Variants in ZNF541 observed in about 807,000 individuals in gnomAD.
ZNF541 encodes zinc finger protein 541.
In ZNF541, 23 loss-of-function variants were observed where a neutral mutation model predicts 123.5. The ratio of observed to expected loss-of-function variants is 0.19; its 90% CI spans 0.13 to 0.26. ZNF541 has a LOEUF of 0.26. ZNF541 is among the 10% of genes least tolerant of loss of function. ZNF541 has a pLI of 1.00. For synonymous variants in ZNF541, 751 were observed against 754.5 expected (o/e 1.00, Z 0.08); for missense variants, 1,612 against 1,789.9 (o/e 0.90, Z 1.79).
chr19:47,561,991 G>A (rs773341611), intron 2 of ZNF541, among the ~76,000 whole-genome samples: 4 of 152,228 alleles, frequency 2.6e-5, no homozygotes, highest in Non-Finnish European at 5.9e-5. Context: ...GCTCACGCCT[G>A]TAATCCCAGC....
chr19:47,544,432 C>A lies in ZNF541; in HGVS notation c.2097G>T (p.Arg699=), dbSNP rs368670959. ...LEDIFPSTGQ[R]QTQLGGEEPP... is the part of the protein sequence containing the mutation. The stretch of plus-strand genomic sequence containing the variant: ...GCTCCTCCCCACCTAACTGGGTCTG[C>A]CGTTGGCCTGTGGAGGGGAAGATGT... Residue 699 remains arginine, a synonymous_variant, in exon 5 of 17, where the codon CGG becomes CGT. Transcript: ENST00000391901. The A allele has an allele frequency of 7.2e-5, 112 of 1,551,626 alleles. No individual in the cohort carries two copies. The African/African-American group carries it at 1.3e-3, about 18-fold the overall frequency.
At chr19:47,537,897 C>T (rs28460729) in intron 9 of ZNF541, among the ~76,000 whole-genome samples, 2,109 of 152,110 alleles carry the variant, frequency 0.014, 32 homozygotes, top group Middle Eastern at 0.054. Context: ...GAAAATGACA[C>T]AGAAGGGCAG....
At chr19:47,569,539 TCGTGCCTACATTCTTAAGTAGAA>T (rs772327978) in intron 2 of ZNF541, among the ~76,000 whole-genome samples, 5 of 152,062 alleles carry the variant, frequency 3.3e-5, no homozygotes, top group Non-Finnish European at 7.4e-5. Flanking sequence ...TGCTTCACAC[TCGTGCCTACATTCTTAAGTAGAA>T]CAATCAAGAA....
chr19:47,545,303 G>A lies in ZNF541; in HGVS notation c.1226C>T (p.Ser409Leu), dbSNP rs1450591453. Residue 409 changes from serine to leucine, a missense_variant, in exon 5 of 17, where the codon TCG (serine) becomes TTG (leucine). Around this residue, in one of 5 missense-constraint regions of ZNF541, gnomAD observed 1,080 missense variants for 1,013.8 expected, o/e 1.07. Coordinates refer to ENST00000391901, the MANE Select transcript of ZNF541 (RefSeq NM_001277075.3). The surrounding 1 kb of genome is among the most constrained non-coding windows in gnomAD (Gnocchi z 7.5). ...CCGGAGCCACTGGAAGCTGTGGCTC[G>A]ATGGCTGGGAACTGGCAGGGACCGT... ...GQTVPASSQP[S>L]SHSFQWLRNL... 16 of 1,549,346 alleles carry A rather than the reference G, an allele frequency of 1.0e-5. No homozygotes were observed. Among genetic ancestry groups the A allele is most frequent in the Non-Finnish European group, 1.3e-5 (15 of 1,146,708 alleles).
At chr19:47,546,141 G>C (rs574896316) in intron 4 of ZNF541, among the ~76,000 whole-genome samples, 161 bp from the exon 5 acceptor site, 1 of 151,300 alleles carries the variant, frequency 6.6e-6, no homozygotes, top group Non-Finnish European at 1.5e-5. Flanking sequence ...ACCCTGCTTC[G>C]GTCAAAGCCA....
chr19:47,525,738 C>T (rs961617335), intron 14 of ZNF541, among the ~76,000 whole-genome samples: 1 of 151,806 alleles, frequency 6.6e-6, no homozygotes, highest in Non-Finnish European at 1.5e-5. Context: ...ACGGTGAAAC[C>T]CCGTCTCTAC....
chr19:47,526,266 G>A (rs537541688), intron 14 of ZNF541, among the ~76,000 whole-genome samples: 1 of 152,254 alleles, frequency 6.6e-6, no homozygotes. Flanking sequence ...CAGATCACCT[G>A]AGGTTGGGAG....
chr19:47,531,239 G>A (rs916320175), intron 12 of ZNF541, among the ~76,000 whole-genome samples: 1 of 145,600 alleles, frequency 6.9e-6, no homozygotes, highest in Non-Finnish European at 1.5e-5. Flanking sequence ...GAGCGGGGGG[G>A]GGGGGGGGGG....
At chr19:47,533,862 C>T (rs1327390420) in intron 9 of ZNF541, among the ~76,000 whole-genome samples, 2 of 152,100 alleles carry the variant, frequency 1.3e-5, no homozygotes, top group Admixed American at 1.3e-4. Context: ...AAATAATCAA[C>T]TGAATATTGG....
chr19:47,528,910 G>T, intron 14 of ZNF541, 40 bp downstream of exon 14: 1 of 1,501,766 alleles, frequency 6.7e-7, no homozygotes, highest in Non-Finnish European at 9.1e-7. Context: ...TCTCAGCTGT[G>T]TGAGGCAGGG....
chr19:47,561,570 G>C (rs1971063608), intron 2 of ZNF541, among the ~76,000 whole-genome samples: 1 of 152,146 alleles, frequency 6.6e-6, no homozygotes, highest in African/African-American at 2.4e-5. Context: ...ACCAGAGAAG[G>C]CTTCCAAGCT....
At chr19:47,566,104 G>C (rs1336593532) in intron 2 of ZNF541, among the ~76,000 whole-genome samples, 1 of 152,106 alleles carries the variant, frequency 6.6e-6, no homozygotes, top group South Asian at 2.1e-4. Flanking sequence ...TTGGACCCGG[G>C]AGGCGGAGGT....
At chr19:47,522,114 G>T in intron 14 of ZNF541, 120 bp from the exon 15 acceptor site, 1 of 1,327,992 alleles carries the variant, frequency 7.5e-7, no homozygotes, top group Non-Finnish European at 1.0e-6. Context: ...CCTTTGGCTT[G>T]GCGTTACCAC....
At chr19:47,561,505 A>G (rs993227606) in intron 2 of ZNF541, among the ~76,000 whole-genome samples, 3 of 152,048 alleles carry the variant, frequency 2.0e-5, no homozygotes, top group African/African-American at 7.2e-5. Context: ...GAGCTTCCAC[A>G]TATTCCTGGG....
At position 47,538,540 on chromosome 19, in the gene ZNF541, C is replaced by T. The variant is rs1417470237; in HGVS notation, c.2797-101G>A. Reference sequence around the variant, plus strand: ...GCAGGAAAAGGAGACCGGCCAGAGACAGGAAACTAGGAAATGCACGCCCGG... The same window carrying T: ...GCAGGAAAAGGAGACCGGCCAGAGATAGGAAACTAGGAAATGCACGCCCGG... On this transcript the variant is annotated intron_variant, in intron 8 of 16. Transcript: ENST00000391901. 8 of 1,286,076 alleles carry T rather than the reference C, an allele frequency of 6.2e-6. No homozygotes were observed. The East Asian group carries it at 2.1e-4, about 34-fold the overall frequency. The allele number at this position is 1,286,076 out of a possible 1,614,324, so 79.7% of individuals were successfully genotyped here.
chr19:47,556,434 C>A (rs1970823565), intron 2 of ZNF541, among the ~76,000 whole-genome samples: 1 of 152,132 alleles, frequency 6.6e-6, no homozygotes, highest in African/African-American at 2.4e-5. Flanking sequence ...CTATGAAGTA[C>A]TTGATTTTTT....
intron 12 of ZNF541, among the ~76,000 whole-genome samples, chr19:47,531,415 C>A (rs553277355): frequency 6.6e-6 from 1 of 151,984 alleles, no homozygotes. Context: ...GGAACCCCTG[C>A]GCTTGATTGT....
At chr19:47,524,726 G>T (rs977518569) in intron 14 of ZNF541, among the ~76,000 whole-genome samples, 1 of 143,672 alleles carries the variant, frequency 7.0e-6, no homozygotes, top group Non-Finnish European at 1.5e-5. Context: ...AAAAAAAAAA[G>T]AGTTATACCA....
At chr19:47,532,855 C>T in intron 10 of ZNF541, 54 bp downstream of exon 10, 1 of 1,518,858 alleles carries the variant, frequency 6.6e-7, no homozygotes, top group Non-Finnish European at 8.9e-7. Flanking sequence ...GGAAAAGTGA[C>T]ACTAGAACTC....
Sources: gnomAD v4.1 joint callset for allele counts (sites outside exome capture counted in the v4.1 genomes callset) on GRCh38, gnomAD v4.1.1 for gene constraint, gnomAD v4.1.1 regional missense constraint, Gnocchi (gnomAD v3.1) non-coding constraint, MANE v1.5 for transcripts, NCBI Gene and HGNC (gene_info 2026-07-23, HGNC 2026-07-21) for gene names.